GSN: variants seen among roughly 807,000 people sequenced by gnomAD.
GSN encodes gelsolin.
Under a neutral mutation model 85.7 loss-of-function variants are expected in GSN, and 56 were observed. That is an observed-to-expected ratio of 0.65 (90% CI 0.53 to 0.82). GSN has a LOEUF of 0.82. Ranked by LOEUF, GSN falls within the 40% of genes least tolerant of loss-of-function variation. GSN has a pLI of 0.00. For synonymous variants in GSN, 373 were observed against 399.1 expected, an observed-to-expected ratio of 0.93 and a Z score of 0.78; for missense variants, 857 against 979.8, an observed-to-expected ratio of 0.87 and a Z score of 1.67.
At chr9:121,323,953 G>T (rs1482559225) in intron 11 of GSN, among the ~76,000 whole-genome samples, 1 of 152,078 alleles carries the variant, frequency 6.6e-6, no homozygotes, top group East Asian at 1.9e-4. Flanking sequence ...CTGCATCAGC[G>T]CATTAATAGG....
chr9:121,243,808 C>G (rs1426222984), intron 5 of GSN, among the ~76,000 whole-genome samples: 2 of 152,198 alleles, frequency 1.3e-5, no homozygotes, highest in African/African-American at 4.8e-5. Context: ...GAACTCCTGA[C>G]CTCAGGTGAT....
chr9:121,266,105 T>G (rs997862013), upstream of GSN, among the ~76,000 whole-genome samples: 25 of 152,208 alleles, frequency 1.6e-4, no homozygotes, highest in African/African-American at 5.5e-4. Context: ...AATGGAGCAA[T>G]TACAGGGTTA....
intron 13 of GSN, 109 bp downstream of exon 13, chr9:121,326,791 G>A (rs762958442): frequency 2.0e-6 from 2 of 1,022,166 alleles, no homozygotes; most frequent in South Asian, 2.5e-5. Flanking sequence ...GTGAATGACG[G>A]GGTAAGAAGC....
At chr9:121,317,055 T>C (rs2061795365) in intron 7 of GSN, 31 bp from the exon 8 acceptor site, 16 of 1,613,890 alleles carry the variant, frequency 9.9e-6, no homozygotes, top group African/African-American at 2.7e-5. Context: ...CAGACACTCA[T>C]GTGCTGGTTC....
chr9:121,277,595 T>C, intron 1 of GSN, among the ~76,000 whole-genome samples: 1 of 152,122 alleles, frequency 6.6e-6, no homozygotes. Context: ...GTCTTTGACA[T>C]CTGACTTATC....
intron 4 of GSN, among the ~76,000 whole-genome samples, chr9:121,218,162 C>T (rs2054102196): frequency 6.6e-6 from 1 of 152,150 alleles, no homozygotes; most frequent in Non-Finnish European, 1.5e-5. Flanking sequence ...AATTGTCTGG[C>T]AGTCATTTAA....
In GSN at chr9:121,327,534, TC is replaced by T. The variant is rs1487953201; in HGVS notation, c.1762+57del. 9.0e-6 allele frequency: 13 copies of T among 1,441,594 alleles called. No homozygotes were observed. In the Admixed American group the frequency reaches 2.8e-4, roughly 31 times the overall value. 89.3% of individuals were successfully genotyped at this position (1,441,594 alleles called of 1,614,324 possible). On this transcript the variant is annotated intron_variant, in intron 14 of 17. Coordinates refer to ENST00000432226, the MANE Select transcript of GSN (RefSeq NM_198252.3). Reference sequence around the variant, plus strand: ...GCTGTCCGGATGCAGCTATTAAGTTTCCCCCTTCTTTCCTTCAGCTTGGGGG... The same window carrying T: ...GCTGTCCGGATGCAGCTATTAAGTTTCCCCTTCTTTCCTTCAGCTTGGGGG...
intron 4 of GSN, among the ~76,000 whole-genome samples, chr9:121,223,911 G>A (rs1045972210): frequency 2.6e-5 from 4 of 151,968 alleles, no homozygotes; most frequent in Non-Finnish European, 4.4e-5. Context: ...CACCCGCCTC[G>A]GCCTCCCAAA....
At chr9:121,315,036 T>C (rs527726115) in intron 7 of GSN, among the ~76,000 whole-genome samples, 59 of 152,298 alleles carry the variant, frequency 3.9e-4, no homozygotes, top group South Asian at 6.2e-4. Flanking sequence ...AACTTTTGTA[T>C]TTTTTGTAGA....
chr9:121,264,722 CG>C (rs1230205490), upstream of GSN, among the ~76,000 whole-genome samples: 1 of 152,164 alleles, frequency 6.6e-6, no homozygotes, highest in African/African-American at 2.4e-5. Context: ...GAATCCAAGC[CG>C]TTGTCTCTGC....
chr9:121,331,498 G>A (rs1399824526), intron 17 of GSN, 50 bp downstream of exon 17: 8 of 1,115,262 alleles, frequency 7.2e-6, no homozygotes, highest in Non-Finnish European at 1.1e-5. Context: ...TTGCTTGTGG[G>A]GTGCTGGGAG....
chr9:121,266,366 G>A (rs2055203542), upstream of GSN, among the ~76,000 whole-genome samples: 1 of 152,230 alleles, frequency 6.6e-6, no homozygotes, highest in South Asian at 2.1e-4. Flanking sequence ...TCCAAGGCAT[G>A]TGTATGCCGG....
At chr9:121,317,542 A>G in intron 8 of GSN, 1 of 364,240 alleles carries the variant, frequency 2.7e-6, no homozygotes, top group Non-Finnish European at 5.3e-6. Context: ...AGATAAATTC[A>G]TGGGCAACAG....
At chr9:121,309,968 A>AAG (rs60771525) in intron 4 of GSN, 103 of 152,036 alleles carry the variant, frequency 6.8e-4, no homozygotes, top group African/African-American at 2.3e-3. Flanking sequence ...GAAAGGAAGG[A>AAG]AGAGAGAGAG....
At chr9:121,264,240 G>A (rs2055150915), upstream of GSN, among the ~76,000 whole-genome samples, 1 of 152,092 alleles carries the variant, frequency 6.6e-6, no homozygotes, top group African/African-American at 2.4e-5. Context: ...GATCTCTTGA[G>A]CCCAAAAGTT....
chr9:121,249,294 A>G (rs1457465946), intron 6 of GSN, among the ~76,000 whole-genome samples: 1 of 151,920 alleles, frequency 6.6e-6, no homozygotes, highest in African/African-American at 2.4e-5. Context: ...CCTGGTCTGT[A>G]CAAAAAAAAA....
chr9:121,286,506 A>C, intron 2 of GSN: 1 of 1,188,848 alleles, frequency 8.4e-7, no homozygotes, highest in Non-Finnish European at 1.1e-6. Flanking sequence ...CCACCTTCCC[A>C]AAAGGGAAAC....
At chr9:121,220,163 G>A (rs1379766441) in intron 4 of GSN, among the ~76,000 whole-genome samples, 2 of 152,198 alleles carry the variant, frequency 1.3e-5, no homozygotes, top group Admixed American at 6.5e-5. Context: ...GATTACAGGC[G>A]TGAGCCACTG....
In GSN at chr9:121,329,130, GC is replaced by G. The variant is rs1168771363; in HGVS notation, c.1888-103del. 31 of 1,521,498 alleles carry G rather than the reference GC, an allele frequency of 2.0e-5. No individual in the cohort carries two copies. Among genetic ancestry groups the G allele is most frequent in the Non-Finnish European group, 2.7e-5 (30 of 1,103,874 alleles). 94.2% of individuals were successfully genotyped at this position (1,521,498 alleles called of 1,614,324 possible). A position where few individuals can be genotyped will look rare whatever the true frequency, so the allele number is the denominator to read the frequency against. On this transcript the variant is annotated intron_variant, in intron 15 of 17. Transcript: ENST00000432226. This position sits in a 1 kb window ranked among gnomAD's most constrained non-coding sequence, Gnocchi z 4.6. Reference sequence around the variant, plus strand: ...CTGATGGTGTGGCACAGAGGAAGGGGCCCCCTGCCAGCTGCAGCCAGCTGTG... The same window carrying G: ...CTGATGGTGTGGCACAGAGGAAGGGGCCCCTGCCAGCTGCAGCCAGCTGTG...
Sources: allele counts gnomAD v4.1 joint callset (sites outside exome capture counted in the v4.1 genomes callset), GRCh38; gene constraint gnomAD v4.1.1; non-coding constraint Gnocchi (gnomAD v3.1); transcripts MANE v1.5; gene names NCBI Gene and HGNC (gene_info 2026-07-23, HGNC 2026-07-21).